Variants in SGCD observed in about 807,000 individuals in gnomAD.
The protein encoded by SGCD is sarcoglycan delta.
A neutral mutation model predicts 36.6 loss-of-function variants in SGCD; 18 were observed. The ratio of observed to expected loss-of-function variants is 0.49; its 90% CI spans 0.34 to 0.73. The LOEUF is 0.73. Among genes scored for constraint, SGCD ranks in the 30% least tolerant of loss-of-function variants. The pLI, the probability that SGCD is intolerant of heterozygous loss-of-function variation, is 0.01. For synonymous variants in SGCD, 133 were observed against 130.6 expected (o/e 1.02, Z -0.12); for missense variants, 387 against 346.7 (o/e 1.12, Z -0.92).
chr5:156,200,992 C>G lies in SGCD; in HGVS notation c.-44+76973C>G, dbSNP rs141101960. Reference sequence around the variant, plus strand: ...TATGCTAAGCAAAATAAGCCAATCACAAAAGGACAAAAAAGTACTGCATGA... The same window carrying G: ...TATGCTAAGCAAAATAAGCCAATCAGAAAAGGACAAAAAAGTACTGCATGA... On this transcript the variant is annotated intron_variant, in intron 3 of 9. Coordinates refer to the SGCD transcript ENST00000517913. Among the ~76,000 whole-genome samples the G allele has an allele frequency of 8.5e-5, 13 of 152,070 alleles. No individual in the cohort carries two copies. In the East Asian group the frequency reaches 2.5e-3, roughly 29 times the overall value.
At chr5:156,633,290 G>A (rs1012308696) in intron 6 of SGCD, among the ~76,000 whole-genome samples, 1 of 152,198 alleles carries the variant, frequency 6.6e-6, no homozygotes, top group Non-Finnish European at 1.5e-5. Flanking sequence ...TTGGTCAGGT[G>A]TAGACAGGTA....
the SGCD span, among the ~76,000 whole-genome samples, chr5:155,821,735 A>G: frequency 6.6e-6 from 1 of 152,220 alleles, no homozygotes; most frequent in Non-Finnish European, 1.5e-5. Flanking sequence ...TAATTCAGAA[A>G]AATATGTAAT....
rs184707353 is a variant in SGCD at position 156,165,901 on chromosome 5, C to T, written c.-44+41882C>T. Among the ~76,000 whole-genome samples the T allele has an allele frequency of 8.5e-5, 13 of 152,288 alleles. No individual in the cohort carries two copies. In the East Asian group the frequency reaches 2.5e-3, roughly 29 times the overall value. Reference sequence around the variant, plus strand: ...TCTGAAGAATTGTAGACTAGTGTGTCTTGCAAATTTTGTTTGAAGTTTTTA... The same window carrying T: ...TCTGAAGAATTGTAGACTAGTGTGTTTTGCAAATTTTGTTTGAAGTTTTTA... On this transcript the variant is annotated intron_variant, in intron 3 of 9. Transcript: ENST00000517913.
At chr5:156,722,473 C>T (rs1237145133) in intron 7 of SGCD, among the ~76,000 whole-genome samples, 1 of 152,176 alleles carries the variant, frequency 6.6e-6, no homozygotes, top group African/African-American at 2.4e-5. Flanking sequence ...AAAGTCTATA[C>T]AGCCACTACT....
intron 7 of SGCD, among the ~76,000 whole-genome samples, chr5:156,757,263 CAA>C (rs34767809): frequency 2.5e-3 from 176 of 69,336 alleles, no homozygotes; most frequent in African/African-American, 9.7e-3. Flanking sequence ...CTTACTTTTA[CAA>C]AAAAAAAAAA....
chr5:155,955,473 C>T (rs1757632028), intron 1 of SGCD, among the ~76,000 whole-genome samples: 2 of 152,090 alleles, frequency 1.3e-5, no homozygotes, highest in South Asian at 4.1e-4. Flanking sequence ...TGACAGGAGC[C>T]TTTCAGTTCT....
the SGCD span, among the ~76,000 whole-genome samples, chr5:155,811,042 C>G: frequency 6.6e-6 from 1 of 151,154 alleles, no homozygotes; most frequent in Admixed American, 6.6e-5. Context: ...TGGTCTCGAT[C>G]TCCTGACCTC....
At chr5:156,292,514 G>T (rs1189778406) in intron 3 of SGCD, among the ~76,000 whole-genome samples, 1 of 151,992 alleles carries the variant, frequency 6.6e-6, no homozygotes, top group Non-Finnish European at 1.5e-5. Flanking sequence ...CTTAAATGTG[G>T]TTGCTTCCAC....
chr5:156,527,446 T>A (rs1757692630), intron 4 of SGCD, among the ~76,000 whole-genome samples: 1 of 152,170 alleles, frequency 6.6e-6, no homozygotes, highest in Admixed American at 6.5e-5. Flanking sequence ...TATCTGTACT[T>A]TCTAGAGATT....
chr5:155,807,534 T>C, the SGCD span, among the ~76,000 whole-genome samples: 1 of 152,262 alleles, frequency 6.6e-6, no homozygotes, highest in East Asian at 1.9e-4. Flanking sequence ...AACCTGGCAG[T>C]GAATGATGTT....
chr5:155,972,757 T>A (rs1327509955), intron 1 of SGCD, among the ~76,000 whole-genome samples: 2 of 152,194 alleles, frequency 1.3e-5, no homozygotes, highest in African/African-American at 2.4e-5. Context: ...TTAGTCCTAA[T>A]TAATCTGAAA....
At chr5:155,752,556 C>T in the SGCD span, among the ~76,000 whole-genome samples, 1 of 152,166 alleles carries the variant, frequency 6.6e-6, no homozygotes. Flanking sequence ...GTTGCCCTTC[C>T]AGTTACTTCC....
chr5:156,212,059 C>T (rs1764457138), intron 3 of SGCD, among the ~76,000 whole-genome samples: 1 of 152,124 alleles, frequency 6.6e-6, no homozygotes, highest in African/African-American at 2.4e-5. Flanking sequence ...TAGAGAAAAT[C>T]ACCTAATCAC....
intron 7 of SGCD, among the ~76,000 whole-genome samples, chr5:156,662,694 C>CCGGGTTGGAGAGGCCCCCT (rs1236913479): frequency 6.7e-6 from 1 of 149,400 alleles, no homozygotes; most frequent in African/African-American, 2.5e-5. Flanking sequence ...AGAGGGCAAC[C>CCGGGTTGGAGAGGCCCCCT]CGGGTTGGAG....
intron 1 of SGCD, among the ~76,000 whole-genome samples, chr5:156,043,508 T>A (rs951902425): frequency 1.3e-5 from 2 of 152,130 alleles, no homozygotes; most frequent in Admixed American, 6.6e-5. Flanking sequence ...ACTGGGAAAG[T>A]GGGGGCAAAG....
At chr5:155,827,672 C>CTTTTTT in the SGCD span, among the ~76,000 whole-genome samples, 12 of 64,452 alleles carry the variant, frequency 1.9e-4, no homozygotes, top group Admixed American at 2.4e-4. Flanking sequence ...CTAAATAATT[C>CTTTTTT]TTTTTTTTTT....
intron 3 of SGCD, among the ~76,000 whole-genome samples, chr5:156,405,883 C>T (rs556806135): frequency 2.0e-5 from 3 of 152,146 alleles, no homozygotes; most frequent in African/African-American, 7.2e-5. Flanking sequence ...GGTGCTCCCA[C>T]ATCCTTTTGA....
chr5:156,194,528 A>G (rs1285735220), intron 3 of SGCD, among the ~76,000 whole-genome samples: 2 of 152,184 alleles, frequency 1.3e-5, no homozygotes, highest in East Asian at 3.8e-4. Context: ...AAAACAGTCA[A>G]TTGTGTTATA....
At chr5:156,145,910 A>G (rs1407093602) in intron 3 of SGCD, among the ~76,000 whole-genome samples, 1 of 152,192 alleles carries the variant, frequency 6.6e-6, no homozygotes, top group Admixed American at 6.5e-5. Context: ...CAACAGATAT[A>G]GCTTTAAAAA....
Sources: allele counts gnomAD v4.1 joint callset (sites outside exome capture counted in the v4.1 genomes callset), GRCh38; gene constraint gnomAD v4.1.1; transcripts MANE v1.5; gene names NCBI Gene and HGNC (gene_info 2026-07-23, HGNC 2026-07-21).